The following CHN1 variants were observed in gnomAD, a reference collection of about 807,000 sequenced individuals.
The protein encoded by CHN1 is chimerin 1.
Under a neutral mutation model 59.5 loss-of-function variants are expected in CHN1, and 37 were observed. The ratio of observed to expected loss-of-function variants is 0.62; its 90% confidence interval spans 0.48 to 0.82. The LOEUF (loss-of-function observed/expected upper bound fraction) is 0.82. CHN1 is among the 40% of genes least tolerant of loss of function. The pLI is 0.00. For synonymous variants in CHN1, 206 were observed against 200.4 expected (o/e 1.03, Z -0.24); for missense variants, 469 against 571.0 (o/e 0.82, Z 1.82).
At chr2:174,925,089 CA>C (rs1412670902) in intron 3 of CHN1, among the ~76,000 whole-genome samples, 2 of 151,938 alleles carry the variant, frequency 1.3e-5, no homozygotes, top group African/African-American at 4.8e-5. Context: ...ACCACATAAA[CA>C]AACAAACAAA....
intron 3 of CHN1, among the ~76,000 whole-genome samples, chr2:174,929,641 T>C: frequency 6.6e-6 from 1 of 152,014 alleles, no homozygotes; most frequent in East Asian, 1.9e-4. Flanking sequence ...TTAAGATTAG[T>C]TTTTTGGTTT....
At chr2:174,997,250 C>T (rs1015104326) in intron 1 of CHN1, among the ~76,000 whole-genome samples, 6 of 152,154 alleles carry the variant, frequency 3.9e-5, no homozygotes, top group African/African-American at 1.2e-4. Flanking sequence ...TTAACGGTAT[C>T]ATCCATTCCT....
intron 6 of CHN1, among the ~76,000 whole-genome samples, chr2:174,858,033 T>C (rs772404813): frequency 6.6e-5 from 10 of 152,154 alleles, no homozygotes; most frequent in Admixed American, 1.3e-4. Flanking sequence ...TTTCAAGTTA[T>C]TGCATCTCAG....
intron 7 of CHN1, chr2:174,846,298 A>G: frequency 6.5e-7 from 1 of 1,539,730 alleles, no homozygotes; most frequent in Non-Finnish European, 8.7e-7. Flanking sequence ...ATAATTAAAA[A>G]CTACACATAC....
chr2:174,837,814 G>A (rs987110192), intron 7 of CHN1, among the ~76,000 whole-genome samples: 8 of 152,060 alleles, frequency 5.3e-5, no homozygotes, highest in Non-Finnish European at 1.2e-4. Flanking sequence ...TGCTTGTCAC[G>A]TTTTCATTTA....
chr2:174,802,110 A>G, intron 11 of CHN1: 1 of 303,300 alleles, frequency 3.3e-6, no homozygotes, highest in Non-Finnish European at 6.4e-6. Context: ...GGAATACAGG[A>G]TGTAACTACA....
chr2:174,843,691 T>C (rs531184945), intron 7 of CHN1, among the ~76,000 whole-genome samples: 70 of 149,362 alleles, frequency 4.7e-4, no homozygotes, highest in African/African-American at 1.3e-3. Flanking sequence ...AATGTCAGTA[T>C]AGATTCAGAA....
intron 5 of CHN1, among the ~76,000 whole-genome samples, chr2:174,912,251 T>C (rs1688725542): frequency 6.6e-6 from 1 of 152,212 alleles, no homozygotes; most frequent in Non-Finnish European, 1.5e-5. Context: ...AGAAAATATG[T>C]ATTTGATACG....
intron 7 of CHN1, among the ~76,000 whole-genome samples, chr2:174,841,876 TTTACAA>T (rs1225802983): frequency 6.6e-6 from 1 of 152,178 alleles, no homozygotes; most frequent in East Asian, 1.9e-4. Flanking sequence ...TTTACCTTCA[TTTACAA>T]TACCATTAAT....
intron 5 of CHN1, among the ~76,000 whole-genome samples, chr2:174,910,042 T>C (rs951420902): frequency 6.6e-5 from 10 of 152,204 alleles, no homozygotes; most frequent in Admixed American, 2.0e-4. Flanking sequence ...ACAGTGAGAA[T>C]GGGTAACTGC....
intron 1 of CHN1, among the ~76,000 whole-genome samples, chr2:174,998,351 T>G (rs1241982965): frequency 1.3e-5 from 2 of 149,244 alleles, no homozygotes. Flanking sequence ...AAAACATACT[T>G]TAAGAGCTGA....
chr2:174,839,286 C>T (rs1230518372), intron 7 of CHN1, among the ~76,000 whole-genome samples: 1 of 151,828 alleles, frequency 6.6e-6, no homozygotes, highest in Non-Finnish European at 1.5e-5. Context: ...TTTTCCTATG[C>T]GTTTATATCC....
At chr2:174,804,131 G>A (rs895429429) in intron 11 of CHN1, among the ~76,000 whole-genome samples, 2 of 152,182 alleles carry the variant, frequency 1.3e-5, no homozygotes, top group Non-Finnish European at 2.9e-5. Context: ...GGAAGTGTTG[G>A]GGGCGTTGCA....
At chr2:174,920,528 A>C (rs1688985063) in intron 3 of CHN1, among the ~76,000 whole-genome samples, 1 of 152,190 alleles carries the variant, frequency 6.6e-6, no homozygotes, top group Non-Finnish European at 1.5e-5. Flanking sequence ...AATTTGGTTA[A>C]ATATGGCAGT....
At chr2:175,000,130 C>G (rs1691838900) in intron 1 of CHN1, among the ~76,000 whole-genome samples, 1 of 146,104 alleles carries the variant, frequency 6.8e-6, no homozygotes, top group Admixed American at 6.9e-5. Flanking sequence ...ATCACCACAC[C>G]TGGCTAATTT....
At chr2:174,883,798 A>G (rs1268186851) in intron 5 of CHN1, among the ~76,000 whole-genome samples, 1 of 152,060 alleles carries the variant, frequency 6.6e-6, no homozygotes, top group Non-Finnish European at 1.5e-5. Context: ...AATCCTGTAA[A>G]AAAAAGGAAT....
In CHN1 at chr2:174,995,140, C is replaced by T. The variant is rs575590353; in HGVS notation, c.19+9754G>A. On this transcript the variant is annotated intron_variant, in intron 1 of 12. Transcript: ENST00000409900. ...TTCATTTATTTGCTTAGATTGAGTA[C>T]CTATTATGTGCCAAACATTGAGTTT... 1.1e-4 allele frequency among the ~76,000 whole-genome samples: 17 copies of T among 152,124 alleles called. No homozygotes were observed. The South Asian group carries it at 1.2e-3, about 11-fold the overall frequency.
intron 5 of CHN1, among the ~76,000 whole-genome samples, chr2:174,900,364 T>A (rs1688348487): frequency 6.6e-6 from 1 of 151,912 alleles, no homozygotes; most frequent in African/African-American, 2.4e-5. Flanking sequence ...ATTAGCCAGG[T>A]GCGGTGATAT....
At chr2:174,993,177 T>G (rs910799900) in intron 1 of CHN1, among the ~76,000 whole-genome samples, 1 of 151,330 alleles carries the variant, frequency 6.6e-6, no homozygotes. Context: ...AATCCTGTTA[T>G]GTCAGTTTAG....
Sources: allele counts gnomAD v4.1 joint callset (sites outside exome capture counted in the v4.1 genomes callset), GRCh38; gene constraint gnomAD v4.1.1; transcripts MANE v1.5; gene names NCBI Gene and HGNC (gene_info 2026-07-23, HGNC 2026-07-21).